Variants in AKNA observed in about 807,000 individuals in gnomAD.
AKNA encodes the protein microtubule organization protein AKNA.
A neutral mutation model predicts 138.8 loss-of-function variants in AKNA; 67 were observed. The ratio of observed to expected loss-of-function variants is 0.48; its 90% CI spans 0.40 to 0.59. The LOEUF (loss-of-function observed/expected upper bound fraction) is 0.59. Among genes scored for constraint, AKNA ranks in the 20% least tolerant of loss-of-function variants. The pLI is 0.00. For synonymous variants in AKNA, 737 were observed against 754.4 expected, an observed-to-expected ratio of 0.98 and a Z score of 0.38; for missense variants, 1,813 against 1,880.4, an observed-to-expected ratio of 0.96 and a Z score of 0.66.
upstream of AKNA, among the ~76,000 whole-genome samples, chr9:114,392,886 A>C (rs1411428208): frequency 1.3e-5 from 2 of 152,228 alleles, no homozygotes; most frequent in Non-Finnish European, 2.9e-5. Flanking sequence ...GTTAAGGAGC[A>C]GAACAAACAG....
intron 14 of AKNA, among the ~76,000 whole-genome samples, chr9:114,353,816 A>G (rs1831300583): frequency 6.6e-6 from 1 of 152,246 alleles, no homozygotes; most frequent in Admixed American, 6.5e-5. Context: ...CCATAAAAAT[A>G]TGGTATAAAA....
chr9:114,373,128 T>A (rs1832919800), intron 4 of AKNA, among the ~76,000 whole-genome samples: 1 of 152,166 alleles, frequency 6.6e-6, no homozygotes, highest in Non-Finnish European at 1.5e-5. Context: ...GGCATCTGCA[T>A]CTCTGCACCT....
Position 114,376,965 on chromosome 9 carries a change from C to T in AKNA, c.842G>A (p.Arg281Lys), listed in dbSNP as rs769951830. The T allele has an allele frequency of 3.1e-6, 5 of 1,614,100 alleles. No homozygotes were observed. Among genetic ancestry groups the T allele is most frequent in the Non-Finnish European group, 4.2e-6 (5 of 1,180,036 alleles). ...QSPQHATDRW[R>K]RETTRFFCPQ... Reference sequence around the variant, plus strand: ...GCAGAAGAATCTGGTCGTTTCTCTCCTCCATCTATCTGTGGCATGCTGCGG... The same window carrying T: ...GCAGAAGAATCTGGTCGTTTCTCTCTTCCATCTATCTGTGGCATGCTGCGG... Residue 281 changes from arginine (R) to lysine (K), a missense_variant, in exon 3 of 22, where the codon AGG becomes AAG. Arg to Lys is a conservative substitution (Grantham distance 26). Coordinates refer to ENST00000374088, the MANE Select transcript of AKNA (RefSeq NM_001317950.2).
In AKNA at chr9:114,358,074, C is replaced by T; in HGVS notation, c.2586G>A (p.Glu862=). ...GCACGCCAGGGCCTGGAGGGGCTGC[C>T]TCAGCCTTGCCCAGGCCTGACATGT... ...DGHMSGLGKA[E]AAPPGPGVPP... is the part of the protein sequence containing the mutation. The change falls in exon 12 of 22, where the codon GAG becomes GAA. Residue 862 remains glutamate, a synonymous_variant. Transcript: ENST00000374088. 3 of 1,613,874 alleles carry T rather than the reference C, an allele frequency of 1.9e-6. No homozygotes were observed. The South Asian group carries it at 3.3e-5, about 18-fold the overall frequency.
chr9:114,371,318 T>C (rs1011595809), intron 4 of AKNA, among the ~76,000 whole-genome samples: 3 of 152,250 alleles, frequency 2.0e-5, no homozygotes, highest in African/African-American at 7.2e-5. Context: ...CACCTACTTG[T>C]TGAATGATCT....
chr9:114,397,047 C>T (rs567633137), upstream of AKNA, among the ~76,000 whole-genome samples: 10 of 152,316 alleles, frequency 6.6e-5, no homozygotes, highest in Admixed American at 5.2e-4. Context: ...GTCTGCAGGA[C>T]GGTGGGAGCT....
upstream of AKNA, among the ~76,000 whole-genome samples, chr9:114,396,229 C>T (rs1038781589): frequency 8.5e-5 from 13 of 152,316 alleles, no homozygotes; most frequent in African/African-American, 2.2e-4. Flanking sequence ...GCTAGAATGT[C>T]GCACTCAATA....
Position 114,364,594 on chromosome 9 carries a change from T to C in AKNA, c.1754A>G (p.Gln585Arg). 1 of 1,613,984 alleles carries C rather than the reference T, an allele frequency of 6.2e-7. No individual in the cohort carries two copies. The highest frequency in any genetic ancestry group is 8.5e-7 in the Non-Finnish European group (1 of 1,180,016). The change falls in exon 7 of 22, where the codon CAG becomes CGG. Residue 585 changes from glutamine (Q) to arginine (R), a missense_variant. Transcript: ENST00000374088. The stretch of plus-strand genomic sequence containing the variant: ...GTCCTGGGGCATGAGACGTCCTGCC[T>C]GTATCAGTCTTTCAAAGGACTCCAC... ...AKVESFERLI[Q>R]AGRLMPQDQV...
downstream of AKNA, among the ~76,000 whole-genome samples, chr9:114,333,896 G>A (rs1437797691): frequency 1.3e-5 from 2 of 150,284 alleles, no homozygotes; most frequent in East Asian, 3.8e-4. Context: ...TGTGTTGGAG[G>A]CGGGTCCTGC....
chr9:114,350,273 G>C (rs1220573015), intron 15 of AKNA, among the ~76,000 whole-genome samples: 3 of 152,048 alleles, frequency 2.0e-5, no homozygotes, highest in African/African-American at 7.2e-5. Flanking sequence ...ATGCCTGTTC[G>C]AGCCAAAGAA....
chr9:114,364,714 G>T (rs767526733), intron 6 of AKNA, 95 bp from the exon 7 acceptor site: 8 of 1,327,152 alleles, frequency 6.0e-6, no homozygotes, highest in Non-Finnish European at 8.7e-6. Flanking sequence ...GAGGAGCTGG[G>T]TCCGTCCTCA....
At chr9:114,388,171 C>T, upstream of AKNA, 2 of 215,130 alleles carry the variant, frequency 9.3e-6, no homozygotes, top group Non-Finnish European at 2.0e-5. Flanking sequence ...AAGCCCTCCG[C>T]AGTCAGCGCT....
intron 19 of AKNA, 111 bp from the exon 20 acceptor site, chr9:114,342,236 G>T: frequency 1.4e-6 from 1 of 726,364 alleles, no homozygotes; most frequent in Non-Finnish European, 2.2e-6. Context: ...CCACTGCGGA[G>T]GGGACAAGCT....
chr9:114,386,997 A>C (rs1158780859), intron 1 of AKNA, among the ~76,000 whole-genome samples: 7 of 151,810 alleles, frequency 4.6e-5, no homozygotes, highest in Non-Finnish European at 8.8e-5. Flanking sequence ...AGATGAAGAC[A>C]CTGAGGCACA....
rs1206835717 is a variant in AKNA, at chr9:114,350,952, C to T, written c.3128G>A (p.Ser1043Asn). Reference sequence around the variant, plus strand: ...GGCAGGGGCGGGGGCTGGGGGTGGGCTGATTGTCTTGTTGGGAAGGGGCTG... The same window carrying T: ...GGCAGGGGCGGGGGCTGGGGGTGGGTTGATTGTCTTGTTGGGAAGGGGCTG... ...SEQPLPNKTISPPPAPAPAAA... is the reference protein window; with the variant it reads ...SEQPLPNKTINPPPAPAPAAA... Residue 1043 changes from serine to asparagine, a missense_variant, in exon 15 of 22, where the codon AGC (serine) becomes AAC (asparagine). By Grantham distance (46) the Ser-to-Asn change is conservative (BLOSUM62 1). Coordinates refer to ENST00000374088, the MANE Select transcript of AKNA (RefSeq NM_001317950.2). 1.2e-6 allele frequency: 2 copies of T among 1,613,122 alleles called. No homozygotes were observed. The highest frequency in any genetic ancestry group is 2.7e-5 in the African/African-American group (2 of 74,970).
At chr9:114,345,661 C>CTGAA (rs201959374) in intron 18 of AKNA, 21,932 of 545,286 alleles carry the variant, frequency 0.04, 2,258 homozygotes, top group African/African-American at 0.29. Flanking sequence ...AAAGTGTTTG[C>CTGAA]TGAATGAATG....
intron 21 of AKNA, 104 bp downstream of exon 21, chr9:114,341,429 C>T (rs1450173838): frequency 7.2e-7 from 1 of 1,390,008 alleles, no homozygotes; most frequent in Non-Finnish European, 1.0e-6. Flanking sequence ...GGATAAAACA[C>T]AGGAGGAGTA....
At chr9:114,351,141 G>A in intron 14 of AKNA, 120 bp from the exon 15 acceptor site, 1 of 1,060,416 alleles carries the variant, frequency 9.4e-7, no homozygotes, top group Non-Finnish European at 1.4e-6. Context: ...AGGTCACAAA[G>A]GAAGTTCCTG....
At chr9:114,356,776 C>T (rs1343529821) in intron 13 of AKNA, 87 bp downstream of exon 13, 2 of 1,190,456 alleles carry the variant, frequency 1.7e-6, no homozygotes, top group South Asian at 1.6e-5. Context: ...ACCATCCTCT[C>T]TTATTCTGGG....
Sources: allele counts gnomAD v4.1 joint callset (sites outside exome capture counted in the v4.1 genomes callset), GRCh38; gene constraint gnomAD v4.1.1; transcripts MANE v1.5; gene names NCBI Gene and HGNC (gene_info 2026-07-23, HGNC 2026-07-21).